The following ARHGEF37 variants were observed in gnomAD, a reference collection of about 807,000 sequenced individuals.
ARHGEF37 encodes the protein Rho guanine nucleotide exchange factor (GEF) 37.
ARHGEF37 carries 55 observed loss-of-function variants against 71.1 expected under a neutral mutation model. That is an observed-to-expected ratio of 0.77 (90% CI 0.62 to 0.97). The LOEUF (loss-of-function observed/expected upper bound fraction) is 0.97, where lower values mean the gene tolerates loss of function less well. Among genes scored for constraint, ARHGEF37 ranks in the 50% least tolerant of loss-of-function variants. ARHGEF37 has a pLI of 0.00. For missense variants in ARHGEF37, 765 were observed against 836.8 expected (o/e 0.91, Z 1.06); for synonymous variants, 327 against 350.6 (o/e 0.93, Z 0.75).
chr5:149,629,035 C>A, intron 12 of ARHGEF37, 69 bp downstream of exon 12: 1 of 1,523,908 alleles, frequency 6.6e-7, no homozygotes. Flanking sequence ...GATTTTCCTT[C>A]TCTCTCAAAG....
rs775057192 is a variant in ARHGEF37 at position 149,627,291 on chromosome 5, C to T, written c.1660+20C>T. 11 of 1,605,224 alleles carry T rather than the reference C, an allele frequency of 6.9e-6. No individual in the cohort carries two copies. In the Admixed American group the frequency reaches 1.9e-4, roughly 27 times the overall value. ...CCGGGGGTACGTGAGCCTTTGGGAG[C>T]CCTTCTTCTCCTTCGGGGAAAACCA... On this transcript the variant is annotated intron_variant, in intron 11 of 12. Transcript: ENST00000333677.
Position 149,567,477 on chromosome 5 carries a change from A to G in ARHGEF37, c.-12+15354A>G, listed in dbSNP as rs556990843. ...AGACTACATAAATATACTGTTCCAC[A>G]CTAAACTTTCACTGTGGCATCCGTT... is the stretch of plus-strand genomic sequence containing the variant. On this transcript the variant is annotated intron_variant, in intron 1 of 2. Transcript: ENST00000505810. Among the ~76,000 whole-genome samples, 9 of 152,360 alleles carry G rather than the reference A, an allele frequency of 5.9e-5. No homozygotes were observed. The South Asian group carries it at 1.7e-3, about 28-fold the overall frequency.
chr5:149,590,698 G>A (rs1763380162), intron 1 of ARHGEF37, among the ~76,000 whole-genome samples: 1 of 151,650 alleles, frequency 6.6e-6, no homozygotes, highest in Non-Finnish European at 1.5e-5. Flanking sequence ...CCCAGGCAGA[G>A]AATGGCTGCC....
intron 3 of ARHGEF37, among the ~76,000 whole-genome samples, chr5:149,607,035 C>T (rs1198861227): frequency 3.3e-5 from 5 of 152,128 alleles, no homozygotes; most frequent in African/African-American, 9.7e-5. Context: ...CCTGCCTCAG[C>T]CTCCTGAGGC....
At chr5:149,598,210 T>C (rs1461312198) in intron 2 of ARHGEF37, among the ~76,000 whole-genome samples, 2 of 152,166 alleles carry the variant, frequency 1.3e-5, no homozygotes, top group African/African-American at 4.8e-5. Context: ...GGGAGACCTA[T>C]GTGAGCTAAT....
chr5:149,552,110 C>T (rs1238865696), exon 1 of ARHGEF37: 1 of 148,478 alleles, frequency 6.7e-6, no homozygotes, highest in South Asian at 2.1e-4. Context: ...ATATGATCTT[C>T]AGAAGAAAAC....
chr5:149,558,745 ATT>A (rs1561781171), intron 1 of ARHGEF37, among the ~76,000 whole-genome samples: 1 of 150,418 alleles, frequency 6.6e-6, no homozygotes, highest in East Asian at 2.0e-4. Context: ...GTGTATATAT[ATT>A]TTTATATGTA....
chr5:149,628,700 T>C (rs1339434776), intron 11 of ARHGEF37, 109 bp from the exon 12 acceptor site: 5 of 1,391,738 alleles, frequency 3.6e-6, no homozygotes, highest in Admixed American at 4.8e-5. Context: ...TTGGTTCTCT[T>C]GGGTGTTGAG....
chr5:149,583,480 G>A (rs1763158381), intron 1 of ARHGEF37, among the ~76,000 whole-genome samples: 1 of 152,098 alleles, frequency 6.6e-6, no homozygotes, highest in Non-Finnish European at 1.5e-5. Flanking sequence ...CATAAACTGG[G>A]ACCTGAGCAG....
At chr5:149,613,425 C>T (rs1240602528) in intron 4 of ARHGEF37, among the ~76,000 whole-genome samples, 1 of 151,476 alleles carries the variant, frequency 6.6e-6, no homozygotes. Flanking sequence ...CAGCTCACTG[C>T]AACCTCTGCC....
chr5:149,569,891 G>A (rs1001474797), intron 1 of ARHGEF37, among the ~76,000 whole-genome samples: 3 of 152,188 alleles, frequency 2.0e-5, no homozygotes, highest in Admixed American at 6.5e-5. Context: ...AAAGTGCTGG[G>A]ATTTCAGGTG....
intron 4 of ARHGEF37, among the ~76,000 whole-genome samples, chr5:149,614,578 C>A (rs1194120197): frequency 6.6e-6 from 1 of 152,162 alleles, no homozygotes; most frequent in African/African-American, 2.4e-5. Context: ...CGATAGTTGT[C>A]CCCAGGAGAC....
intron 1 of ARHGEF37, among the ~76,000 whole-genome samples, chr5:149,566,744 T>C (rs1255572007): frequency 6.6e-6 from 1 of 152,156 alleles, no homozygotes; most frequent in African/African-American, 2.4e-5. Flanking sequence ...GTTTATTCAC[T>C]TGTTAATGGT....
At chr5:149,609,797 A>G in intron 4 of ARHGEF37, 102 bp downstream of exon 4, 1 of 1,493,618 alleles carries the variant, frequency 6.7e-7, no homozygotes, top group East Asian at 2.3e-5. Flanking sequence ...CTGCTTCACG[A>G]GTGTTGCTCT....
intron 2 of ARHGEF37, among the ~76,000 whole-genome samples, chr5:149,599,251 C>A (rs559107018): frequency 6.6e-6 from 1 of 152,150 alleles, no homozygotes; most frequent in Non-Finnish European, 1.5e-5. Flanking sequence ...GGAGGACATA[C>A]GCCCACAGCC....
At chr5:149,576,499 G>A (rs1182294237), upstream of ARHGEF37, among the ~76,000 whole-genome samples, 3 of 152,200 alleles carry the variant, frequency 2.0e-5, no homozygotes, top group Non-Finnish European at 2.9e-5. Flanking sequence ...AAAGCAGACA[G>A]TCTTGTTATA....
At chr5:149,629,024 G>C in intron 12 of ARHGEF37, 58 bp downstream of exon 12, 1 of 1,548,952 alleles carries the variant, frequency 6.5e-7, no homozygotes. Flanking sequence ...ACTGTGGCTT[G>C]GATTTTCCTT....
upstream of ARHGEF37, among the ~76,000 whole-genome samples, chr5:149,578,499 C>G (rs1034792999): frequency 7.9e-5 from 12 of 152,184 alleles, no homozygotes; most frequent in African/African-American, 2.9e-4. Flanking sequence ...AATGTCTTCA[C>G]ACTCACTTAT....
chr5:149,614,989 G>A (rs1364539484), intron 4 of ARHGEF37, among the ~76,000 whole-genome samples: 1 of 152,122 alleles, frequency 6.6e-6, no homozygotes, highest in Non-Finnish European at 1.5e-5. Context: ...AGGGGCTACT[G>A]GTCATAATCA....
Sources: gnomAD v4.1 joint callset for allele counts (sites outside exome capture counted in the v4.1 genomes callset) on GRCh38, gnomAD v4.1.1 for gene constraint, MANE v1.5 for transcripts, NCBI Gene and HGNC (gene_info 2026-07-23, HGNC 2026-07-21) for gene names.